PAQR8: variants seen among roughly 807,000 people sequenced by gnomAD.
PAQR8 encodes the protein progestin and adipoQ receptor family member 8, also known as membrane progestin receptor beta.
Under a neutral mutation model 25.2 loss-of-function variants are expected in PAQR8, and 17 were observed. That is an observed-to-expected ratio of 0.67 (90% CI 0.46 to 1.01). PAQR8 has a LOEUF of 1.01. Among genes scored for constraint, PAQR8 ranks in the 50% least tolerant of loss-of-function variants. PAQR8 has a pLI of 0.00. For missense variants in PAQR8, 392 were observed against 448.4 expected, an observed-to-expected ratio of 0.87 and a Z score of 1.14; for synonymous variants, 204 against 190.6, an observed-to-expected ratio of 1.07 and a Z score of -0.58.
At chr6:52,402,904 C>A (rs993517452) in intron 1 of PAQR8, among the ~76,000 whole-genome samples, 1 of 152,122 alleles carries the variant, frequency 6.6e-6, no homozygotes, top group Non-Finnish European at 1.5e-5. Flanking sequence ...AGCGACACCC[C>A]TGTCTCTACA....
intron 1 of PAQR8, among the ~76,000 whole-genome samples, chr6:52,376,114 A>G (rs551944247): frequency 6.6e-6 from 1 of 152,354 alleles, no homozygotes; most frequent in African/African-American, 2.4e-5. Flanking sequence ...TTGCTGTCAC[A>G]TAGTAGTTCT....
At chr6:52,372,354 A>G (rs1763429195) in intron 1 of PAQR8, among the ~76,000 whole-genome samples, 1 of 152,150 alleles carries the variant, frequency 6.6e-6, no homozygotes, top group Admixed American at 6.5e-5. Context: ...AGAACCAATA[A>G]TGATCAACTT....
At position 52,364,083 on chromosome 6, in the gene PAQR8, G is replaced by GTTTTTTTTTTTTTTTTTT. The variant is rs67846872; in HGVS notation, c.-53+1837_-53+1854dup. 1.4e-3 allele frequency among the ~76,000 whole-genome samples: 114 copies of GTTTTTTTTTTTTTTTTTT among 84,284 alleles called. 21 individuals carry two copies. Among genetic ancestry groups the GTTTTTTTTTTTTTTTTTT allele is most frequent in the Non-Finnish European group, 2.0e-3 (92 of 45,820 alleles). 55.3% of individuals were successfully genotyped at this position (84,284 alleles called of 152,430 possible). ...AGTGGATATATCCATTGAAAGATAT[G>GTTTTTTTTTTTTTTTTTT]TTTTTTTTTTTTTTTTTTTTGCGGG... On this transcript the variant is annotated intron_variant, in intron 1 of 1. Transcript: ENST00000442253.
intron 1 of PAQR8, among the ~76,000 whole-genome samples, chr6:52,372,738 AT>A (rs1562427279): frequency 7.4e-5 from 11 of 148,638 alleles, no homozygotes; most frequent in Non-Finnish European, 1.3e-4. Context: ...AACTCCATAT[AT>A]ATATATATAT....
At chr6:52,395,662 G>A (rs1763759412) in intron 1 of PAQR8, among the ~76,000 whole-genome samples, 2 of 152,200 alleles carry the variant, frequency 1.3e-5, no homozygotes, top group South Asian at 4.1e-4. Flanking sequence ...GAAAATACGT[G>A]TGGATAGATT....
intron 1 of PAQR8, among the ~76,000 whole-genome samples, chr6:52,379,075 T>G: frequency 8.0e-6 from 1 of 124,390 alleles, no homozygotes; most frequent in African/African-American, 3.2e-5. Flanking sequence ...CCAGCCTGAG[T>G]GACAAAGCAA....
At chr6:52,384,975 A>T (rs1378601308) in intron 1 of PAQR8, among the ~76,000 whole-genome samples, 1 of 152,218 alleles carries the variant, frequency 6.6e-6, no homozygotes, top group Non-Finnish European at 1.5e-5. Context: ...AGAAGAATGA[A>T]ACTGGTCTCC....
intron 1 of PAQR8, among the ~76,000 whole-genome samples, chr6:52,391,170 A>G (rs1390587554): frequency 3.3e-5 from 5 of 152,188 alleles, no homozygotes; most frequent in Non-Finnish European, 7.3e-5. Flanking sequence ...TTTCCTTTAC[A>G]TGTCTTTGAC....
At position 52,404,227 on chromosome 6, in the gene PAQR8, A is replaced by C; in HGVS notation, c.1014A>C (p.Ala338=). Residue 338 remains alanine, a synonymous_variant, in exon 2 of 2, where the codon GCA becomes GCC. Coordinates refer to ENST00000442253, the MANE Select transcript of PAQR8 (RefSeq NM_133367.5). ...FFLAACSAAT[A]ALLRHKVKAR... ...TGGCTGCCTGCAGTGCTGCCACCGC[A>C]GCCCTTCTGAGGCACAAAGTCAAGG... 2 of 1,612,956 alleles carry C rather than the reference A, an allele frequency of 1.2e-6. No homozygotes were observed. Among genetic ancestry groups the C allele is most frequent in the Non-Finnish European group, 1.7e-6 (2 of 1,179,128 alleles).
rs764161464 is a variant in PAQR8, at chr6:52,403,663, C to T, written c.450C>T (p.Gly150=). The change falls in exon 2 of 2, where the codon GGC becomes GGT. Residue 150 remains glycine, a synonymous_variant. Coordinates refer to ENST00000442253, the MANE Select transcript of PAQR8 (RefSeq NM_133367.5). The part of the protein sequence containing the change: ...HYTFYFVDYV[G]VSVYQYGSAL... ...CCTTCTACTTTGTGGACTATGTTGG[C>T]GTGAGCGTTTACCAATATGGCAGTG... 6.2e-7 allele frequency: 1 copy of T among 1,614,130 alleles called. No homozygotes were observed. The highest frequency in any genetic ancestry group is 8.5e-7 in the Non-Finnish European group (1 of 1,180,038).
At chr6:52,381,146 A>G (rs905323886) in intron 1 of PAQR8, among the ~76,000 whole-genome samples, 6 of 146,536 alleles carry the variant, frequency 4.1e-5, no homozygotes, top group Admixed American at 3.4e-4. Context: ...TTCTAAAGCT[A>G]CAACACTAGC....
chr6:52,403,359 C>A lies in PAQR8; in HGVS notation c.146C>A (p.Pro49His), dbSNP rs1240330911. The A allele has an allele frequency of 6.2e-7, 1 of 1,614,142 alleles. No individual in the cohort carries two copies. The highest frequency in any genetic ancestry group is 8.5e-7 in the Non-Finnish European group (1 of 1,180,058). ...ETDVPQLFRE[P>H]YIRTGYRPTG... ...GATGTGCCCCAGCTCTTCCGGGAGCCTTACATCCGCACCGGCTACCGCCCC... is the reference window on the plus strand; with the variant it reads ...GATGTGCCCCAGCTCTTCCGGGAGCATTACATCCGCACCGGCTACCGCCCC... Residue 49 changes from proline (P) to histidine (H), a missense_variant, in exon 2 of 2, where the codon CCT (proline) becomes CAT (histidine). Physicochemically the swap from Pro to His is moderately conservative, Grantham distance 77. Coordinates refer to ENST00000442253, the MANE Select transcript of PAQR8 (RefSeq NM_133367.5).
At chr6:52,380,144 G>A (rs926747770) in intron 1 of PAQR8, among the ~76,000 whole-genome samples, 2 of 152,184 alleles carry the variant, frequency 1.3e-5, no homozygotes, top group African/African-American at 4.8e-5. Flanking sequence ...AGAAAAAGTA[G>A]AGCAGAGTTA....
In PAQR8 at chr6:52,404,045, G is replaced by A. The variant is rs1581799962; in HGVS notation, c.832G>A (p.Val278Met). 6.2e-7 allele frequency: 1 copy of A among 1,614,164 alleles called. No individual in the cohort carries two copies. The highest frequency in any genetic ancestry group is 8.5e-7 in the Non-Finnish European group (1 of 1,180,032). Residue 278 changes from valine to methionine, a missense_variant, in exon 2 of 2, where the codon GTG (valine) becomes ATG (methionine). Transcript: ENST00000442253. The stretch of plus-strand genomic sequence containing the variant: ...GTACTTCCCGGGTTCCTGTGACATC[G>A]TGGGCCATGGGCATCAGATCTTCCA... The part of the protein sequence containing the change: ...EKYFPGSCDI[V>M]GHGHQIFHAF...
In PAQR8 at chr6:52,404,049, GCCATGGGCATCAGATCTT is replaced by G. The variant is rs1430820570; in HGVS notation, c.842_859del (p.Gly281_His286del). 1.2e-6 allele frequency: 2 copies of G among 1,614,096 alleles called. No homozygotes were observed. Among genetic ancestry groups the G allele is most frequent in the African/African-American group, 2.7e-5 (2 of 74,930 alleles). The stretch of plus-strand genomic sequence containing the variant: ...TTCCCGGGTTCCTGTGACATCGTGG[GCCATGGGCATCAGATCTT>G]CCATGCATTTCTGTCCATCTGTACG... On this transcript the variant is annotated inframe_deletion, in exon 2 of 2. Transcript: ENST00000442253.
Position 52,403,340 on chromosome 6 carries a change from C to T in PAQR8, c.127C>T (p.Pro43Ser), listed in dbSNP as rs781094978. 1 of 1,614,244 alleles carries T rather than the reference C, an allele frequency of 6.2e-7. No homozygotes were observed. Among genetic ancestry groups the T allele is most frequent in the Non-Finnish European group, 8.5e-7 (1 of 1,180,050 alleles). Residue 43 changes from proline (P) to serine (S), a missense_variant, in exon 2 of 2, where the codon CCC (proline) becomes TCC (serine). Physicochemically the swap from Pro to Ser is moderately conservative, Grantham distance 74 (BLOSUM62 -1). Coordinates refer to ENST00000442253, the MANE Select transcript of PAQR8 (RefSeq NM_133367.5). Reference sequence around the variant, plus strand: ...TTGCACTGTCCCAGAAACGGATGTGCCCCAGCTCTTCCGGGAGCCTTACAT... The same window carrying T: ...TTGCACTGTCCCAGAAACGGATGTGTCCCAGCTCTTCCGGGAGCCTTACAT... ...MPCTVPETDV[P>S]QLFREPYIRT...
intron 1 of PAQR8, among the ~76,000 whole-genome samples, chr6:52,373,127 A>G (rs1763439860): frequency 6.6e-6 from 1 of 152,226 alleles, no homozygotes; most frequent in South Asian, 2.1e-4. Context: ...CACGGACATG[A>G]CTGTTGATTT....
At chr6:52,387,314 A>G (rs1763644613) in intron 1 of PAQR8, among the ~76,000 whole-genome samples, 1 of 152,222 alleles carries the variant, frequency 6.6e-6, no homozygotes, top group Non-Finnish European at 1.5e-5. Context: ...CTTCCTTTTC[A>G]TTCACAGCTG....
chr6:52,364,083 GTTTTTTTTT>G (rs67846872), intron 1 of PAQR8, among the ~76,000 whole-genome samples: 4 of 84,268 alleles, frequency 4.7e-5, no homozygotes, highest in Non-Finnish European at 6.5e-5. Context: ...TGAAAGATAT[GTTTTTTTTT>G]TTTTTTTTTT....
Sources: allele counts gnomAD v4.1 joint callset (sites outside exome capture counted in the v4.1 genomes callset), GRCh38; gene constraint gnomAD v4.1.1; transcripts MANE v1.5; gene names NCBI Gene and HGNC (gene_info 2026-07-23, HGNC 2026-07-21).